The following LATS1 variants were observed in gnomAD, a reference collection of about 807,000 sequenced individuals.
The protein encoded by LATS1 is large tumor suppressor kinase 1, also known as serine/threonine-protein kinase LATS1.
In LATS1, 25 loss-of-function variants were observed where a neutral mutation model predicts 106.6. That is an observed-to-expected ratio of 0.23 (90% CI 0.17 to 0.33). The LOEUF (loss-of-function observed/expected upper bound fraction) is 0.33, where lower values mean the gene tolerates loss of function less well. Among genes scored for constraint, LATS1 ranks in the 10% least tolerant of loss-of-function variants. The probability of loss-of-function intolerance (pLI) is 1.00; values close to 1 mark genes in which losing one functional copy is unlikely to be tolerated. For synonymous variants in LATS1, 465 were observed against 455.6 expected, an observed-to-expected ratio of 1.02 and a Z score of -0.26; for missense variants, 1,040 against 1,382.6, an observed-to-expected ratio of 0.75 and a Z score of 3.93.
intron 7 of LATS1, among the ~76,000 whole-genome samples, chr6:149,665,079 C>T (rs541071187): frequency 1.3e-5 from 2 of 152,276 alleles, no homozygotes; most frequent in East Asian, 3.9e-4. Flanking sequence ...AAGCATGGGG[C>T]TGGGTGCAGT....
At chr6:149,691,431 T>C (rs754909386) in intron 3 of LATS1, among the ~76,000 whole-genome samples, 10 of 152,342 alleles carry the variant, frequency 6.6e-5, no homozygotes, top group Non-Finnish European at 8.8e-5. Flanking sequence ...TATTTTGTTA[T>C]GGCAGCCCTA....
intron 7 of LATS1, chr6:149,675,716 C>T (rs892110248): frequency 1.3e-5 from 2 of 152,310 alleles, no homozygotes; most frequent in Non-Finnish European, 2.9e-5. Context: ...GCCACCACAC[C>T]CCGCTAATTT....
At chr6:149,671,878 T>C (rs960737026) in intron 7 of LATS1, among the ~76,000 whole-genome samples, 1 of 151,886 alleles carries the variant, frequency 6.6e-6, no homozygotes, top group Admixed American at 6.6e-5. Flanking sequence ...TCCACTTATT[T>C]AGATCTATGA....
chr6:149,662,767 A>C (rs1406790052), intron 7 of LATS1, among the ~76,000 whole-genome samples: 1 of 151,948 alleles, frequency 6.6e-6, no homozygotes, highest in African/African-American at 2.4e-5. Flanking sequence ...GGTTCAAGAC[A>C]AACCTGGGCA....
chr6:149,679,775 T>G, intron 5 of LATS1, 100 bp downstream of exon 5: 1 of 873,488 alleles, frequency 1.1e-6, no homozygotes, highest in Non-Finnish European at 1.7e-6. Flanking sequence ...GACCCACATC[T>G]TCTGGCTCTC....
In LATS1 at chr6:149,669,744, G is replaced by A. The variant is rs148085909; in HGVS notation, c.2883+6516C>T. Among the ~76,000 whole-genome samples the A allele has an allele frequency of 1.6e-3, 242 of 152,068 alleles. 4 individuals carry two copies. The highest frequency in any genetic ancestry group is 5.5e-3 in the African/African-American group (227 of 41,364). On this transcript the variant is annotated intron_variant, in intron 7 of 7. Coordinates refer to ENST00000543571, the MANE Select transcript of LATS1 (RefSeq NM_004690.4). ...CCTGCACTCCAGCGTGGGCGACAGA[G>A]CAAGACCTTGTCAAAAGGAAAAAAG...
intron 5 of LATS1, 86 bp from the exon 6 acceptor site, chr6:149,676,823 G>T (rs1384644945): frequency 1.6e-6 from 2 of 1,216,578 alleles, no homozygotes; most frequent in Non-Finnish European, 2.3e-6. Flanking sequence ...TCGTGGTTTA[G>T]GGTTAACAAC....
intron 3 of LATS1, among the ~76,000 whole-genome samples, chr6:149,693,667 T>C (rs930213937): frequency 6.6e-6 from 1 of 151,900 alleles, no homozygotes; most frequent in African/African-American, 2.4e-5. Context: ...AATAAACAAA[T>C]GCAGTGATCA....
chr6:149,683,448 A>G lies in LATS1; in HGVS notation c.1641T>C (p.Ala547=), dbSNP rs951018993. ...GTGGTCCTTGATAGTTTGGAGCTTCAGCAACAGGTGGCATCACAGTCACAT... is the reference window on the plus strand; with the variant it reads ...GTGGTCCTTGATAGTTTGGAGCTTCGGCAACAGGTGGCATCACAGTCACAT... ...ASNVTVMPPV[A]EAPNYQGPPP... is the part of the protein sequence containing the mutation. Residue 547 remains alanine (A), a synonymous_variant, in exon 4 of 8, where the codon GCT becomes GCC. Coordinates refer to ENST00000543571, the MANE Select transcript of LATS1 (RefSeq NM_004690.4). 6.2e-7 allele frequency: 1 copy of G among 1,614,076 alleles called. No individual in the cohort carries two copies. Among genetic ancestry groups the G allele is most frequent in the African/African-American group, 1.3e-5 (1 of 74,924 alleles).
chr6:149,684,575 C>T lies in LATS1; in HGVS notation c.514G>A (p.Val172Ile). The T allele has an allele frequency of 6.3e-7, 1 of 1,598,764 alleles. No homozygotes were observed. Residue 172 changes from valine (V) to isoleucine (I), a missense_variant, in exon 4 of 8, where the codon GTT becomes ATT. Val to Ile is a conservative substitution (Grantham distance 29, BLOSUM62 3). Coordinates refer to ENST00000543571, the MANE Select transcript of LATS1 (RefSeq NM_004690.4). ...SMKPGNVQQS[V>I]NRKQSWKGSK... is the part of the protein sequence containing the mutation. Reference sequence around the variant, plus strand: ...CCTTTCCAGCTCTGTTTGCGGTTAACTGATTGCTGCACATTCCCTATGGTT... The same window carrying T: ...CCTTTCCAGCTCTGTTTGCGGTTAATTGATTGCTGCACATTCCCTATGGTT...
intron 1 of LATS1, among the ~76,000 whole-genome samples, chr6:149,703,719 G>C (rs1562352811): frequency 6.6e-6 from 1 of 151,964 alleles, no homozygotes; most frequent in South Asian, 2.1e-4. Context: ...AAAATTACTT[G>C]TTCTGTTAAT....
At position 149,684,279 on chromosome 6, in the gene LATS1, T is replaced by C; in HGVS notation, c.810A>G (p.Pro270=). Residue 270 remains proline (P), a synonymous_variant, in exon 4 of 8, where the codon CCA becomes CCG. Coordinates refer to ENST00000543571, the MANE Select transcript of LATS1 (RefSeq NM_004690.4). ...CAGAATAGCGCTTTGTTTGAGAGTTTGGTTCCCATGAAGGGGGAGGTGGAG... is the reference window on the plus strand; with the variant it reads ...CAGAATAGCGCTTTGTTTGAGAGTTCGGTTCCCATGAAGGGGGAGGTGGAG... ...GTTPPPPSWE[P]NSQTKRYSGN... is the part of the protein sequence containing the mutation. 2.5e-6 allele frequency: 4 copies of C among 1,613,872 alleles called. No homozygotes were observed. The highest frequency in any genetic ancestry group is 3.4e-6 in the Non-Finnish European group (4 of 1,179,958).
At position 149,683,676 on chromosome 6, in the gene LATS1, A is replaced by G. The variant is rs1431541936; in HGVS notation, c.1413T>C (p.Asn471=). Residue 471 remains asparagine, a synonymous_variant, in exon 4 of 8, where the codon AAT becomes AAC. Transcript: ENST00000543571. ...RSNSFNNPLG[N]RASHSANSQP... Reference sequence around the variant, plus strand: ...GAGAATTAGCAGAGTGACTTGCTCTATTTCCTAATGGGTTATTAAAAGAAT... The same window carrying G: ...GAGAATTAGCAGAGTGACTTGCTCTGTTTCCTAATGGGTTATTAAAAGAAT... The G allele has an allele frequency of 5.6e-6, 9 of 1,614,012 alleles. No homozygotes were observed. Among genetic ancestry groups the G allele is most frequent in the Non-Finnish European group, 7.6e-6 (9 of 1,180,042 alleles).
intron 6 of LATS1, 34 bp downstream of exon 6, chr6:149,676,521 T>C (rs62439843): frequency 0.42 from 664,918 of 1,594,872 alleles, 153,435 homozygotes; most frequent in African/African-American, 0.81. Context: ...GGTCTAAAGG[T>C]CTACTGAGAA....
intron 1 of LATS1, among the ~76,000 whole-genome samples, chr6:149,706,503 C>T (rs1783781464): frequency 6.6e-6 from 1 of 151,314 alleles, no homozygotes; most frequent in South Asian, 2.1e-4. Context: ...CAGTGAGACC[C>T]TGTCTCAAAA....
chr6:149,713,862 G>A (rs1410666553), intron 1 of LATS1, among the ~76,000 whole-genome samples: 1 of 152,244 alleles, frequency 6.6e-6, no homozygotes, highest in Admixed American at 6.5e-5. Flanking sequence ...GTTTCACCAT[G>A]TTGGCCAGGG....
intron 7 of LATS1, among the ~76,000 whole-genome samples, chr6:149,673,790 C>T (rs1407039288): frequency 6.6e-6 from 1 of 150,976 alleles, no homozygotes; most frequent in Admixed American, 6.6e-5. Flanking sequence ...TCTCCTGCCT[C>T]AGGGCCTCCA....
chr6:149,679,871 T>C lies in LATS1; in HGVS notation c.2593+4A>G, dbSNP rs1781943528. 6.4e-7 allele frequency: 1 copy of C among 1,551,066 alleles called. No homozygotes were observed. Among genetic ancestry groups the C allele is most frequent in the Non-Finnish European group, 8.7e-7 (1 of 1,148,840 alleles). On this transcript the variant is annotated splice_donor_region_variant and intron_variant, in intron 5 of 7. Coordinates refer to ENST00000543571, the MANE Select transcript of LATS1 (RefSeq NM_004690.4). ...ACTAAAATAAATTTTATGAGTTTAC[T>C]TACCACTCTGATAGTACTTAGAATC...
chr6:149,665,714 A>T (rs746234761), intron 7 of LATS1, among the ~76,000 whole-genome samples: 1 of 152,200 alleles, frequency 6.6e-6, no homozygotes, highest in Non-Finnish European at 1.5e-5. Flanking sequence ...ACCACAGCCT[A>T]CAAAGAGATC....
Sources: allele counts gnomAD v4.1 joint callset (sites outside exome capture counted in the v4.1 genomes callset), GRCh38; gene constraint gnomAD v4.1.1; transcripts MANE v1.5; gene names NCBI Gene and HGNC (gene_info 2026-07-23, HGNC 2026-07-21).